CNTN6: variants seen among roughly 807,000 people sequenced by gnomAD.
CNTN6 encodes the protein contactin 6, also known as contactin-6.
Under a neutral mutation model 122.8 loss-of-function variants are expected in CNTN6, and 137 were observed. That is an observed-to-expected ratio of 1.12 (90% CI 0.97 to 1.29). The LOEUF (loss-of-function observed/expected upper bound fraction) is 1.29. Among genes scored for constraint, CNTN6 ranks in the 50% most tolerant of loss-of-function variants. CNTN6 has a pLI of 0.00. For synonymous variants in CNTN6, 570 were observed against 426.0 expected, an observed-to-expected ratio of 1.34 and a Z score of -4.16; for missense variants, 1,634 against 1,223.4, an observed-to-expected ratio of 1.34 and a Z score of -5.01.
chr3:1,158,299 T>C (rs1397423241), intron 2 of CNTN6, among the ~76,000 whole-genome samples: 2 of 152,250 alleles, frequency 1.3e-5, no homozygotes, highest in African/African-American at 4.8e-5. Context: ...TTGAGCACTT[T>C]TTCATATGCC....
At chr3:1,300,989 CA>C (rs1697284739) in intron 7 of CNTN6, among the ~76,000 whole-genome samples, 1 of 142,930 alleles carries the variant, frequency 7.0e-6, no homozygotes, top group Non-Finnish European at 1.5e-5. Context: ...TATTAAATTG[CA>C]AAAGGTAAAA....
At chr3:1,255,111 A>T (rs542511832) in intron 4 of CNTN6, among the ~76,000 whole-genome samples, 5 of 152,272 alleles carry the variant, frequency 3.3e-5, no homozygotes, top group African/African-American at 1.2e-4. Context: ...GTGGGGATCC[A>T]AGAGCAAGGG....
Position 1,327,711 on chromosome 3 carries a change from T to C in CNTN6, c.1213+125T>C, listed in dbSNP as rs1457330512. ...CTGTCCCATCAAATAATGGGAAATGTCTAAATTAACTTTTTACAAAATTCA... is the reference window on the plus strand; with the variant it reads ...CTGTCCCATCAAATAATGGGAAATGCCTAAATTAACTTTTTACAAAATTCA... On this transcript the variant is annotated intron_variant, in intron 10 of 22. Transcript: ENST00000446702. 5.1e-6 allele frequency: 5 copies of C among 979,506 alleles called. No individual in the cohort carries two copies. The Admixed American group carries it at 8.2e-5, about 16-fold the overall frequency. 60.7% of individuals were successfully genotyped at this position (979,506 alleles called of 1,614,324 possible).
At chr3:1,158,273 C>G (rs1194174088) in intron 2 of CNTN6, among the ~76,000 whole-genome samples, 2 of 152,194 alleles carry the variant, frequency 1.3e-5, no homozygotes, top group Non-Finnish European at 2.9e-5. Flanking sequence ...TCACATTTCT[C>G]TGATGATCAG....
intron 20 of CNTN6, among the ~76,000 whole-genome samples, chr3:1,389,208 A>G (rs954164867): frequency 4.6e-5 from 7 of 151,468 alleles, no homozygotes; most frequent in South Asian, 2.1e-4. Flanking sequence ...GACTAACAGC[A>G]GATCTCTCGG....
chr3:1,325,547 T>C (rs1171808056), intron 8 of CNTN6, among the ~76,000 whole-genome samples: 16 of 151,802 alleles, frequency 1.1e-4, no homozygotes, highest in African/African-American at 3.6e-4. Flanking sequence ...TTTGCCCTTT[T>C]CCCACAGCTC....
At chr3:1,160,280 A>T (rs1396796790) in intron 2 of CNTN6, among the ~76,000 whole-genome samples, 1 of 149,806 alleles carries the variant, frequency 6.7e-6, no homozygotes, top group African/African-American at 2.5e-5. Flanking sequence ...GCCCTTTCCA[A>T]TCACAGCTGA....
intron 2 of CNTN6, among the ~76,000 whole-genome samples, chr3:1,151,477 A>G (rs1378944953): frequency 6.6e-6 from 1 of 152,200 alleles, no homozygotes; most frequent in Non-Finnish European, 1.5e-5. Context: ...GCCGTATTTG[A>G]AACTCTGTGA....
intron 12 of CNTN6, among the ~76,000 whole-genome samples, chr3:1,370,235 T>TA (rs79114414): frequency 7.5e-4 from 113 of 151,536 alleles, no homozygotes; most frequent in African/African-American, 2.3e-3. Flanking sequence ...TCTTTTTTTT[T>TA]AATTTTATTA....
chr3:1,295,564 GGTTTTGTTTT>G lies in CNTN6; in HGVS notation c.455-22_455-13del, dbSNP rs747708317. 5.3e-6 allele frequency: 8 copies of G among 1,522,426 alleles called. No individual in the cohort carries two copies. In the African/African-American group the frequency reaches 5.5e-5, roughly 10 times the overall value. 94.3% of individuals were successfully genotyped at this position (1,522,426 alleles called of 1,614,324 possible). On this transcript the variant is annotated intron_variant, in intron 5 of 22. Coordinates refer to ENST00000446702, the MANE Select transcript of CNTN6 (RefSeq NM_001289080.2). The stretch of plus-strand genomic sequence containing the variant: ...TGAATGAATGCAGTAAGGACAGTAT[GGTTTTGTTTT>G]GTTTTGTTTTGTTTCTTGTTTTTCA...
At chr3:1,357,035 CAT>C (rs1706672159) in intron 12 of CNTN6, among the ~76,000 whole-genome samples, 1 of 151,844 alleles carries the variant, frequency 6.6e-6, no homozygotes, top group Non-Finnish European at 1.5e-5. Flanking sequence ...TAAAATGCAG[CAT>C]ATGTCACTCA....
chr3:1,101,231 C>T (rs941562527), intron 1 of CNTN6, among the ~76,000 whole-genome samples: 2 of 152,114 alleles, frequency 1.3e-5, no homozygotes, highest in Non-Finnish European at 2.9e-5. Flanking sequence ...ACCAGATCAC[C>T]AAGTTTCCAT....
intron 2 of CNTN6, among the ~76,000 whole-genome samples, chr3:1,152,241 C>T (rs143572178): frequency 6.6e-6 from 1 of 152,016 alleles, no homozygotes; most frequent in East Asian, 1.9e-4. Flanking sequence ...TGGGTTCATA[C>T]AATTCTCCTG....
intron 2 of CNTN6, among the ~76,000 whole-genome samples, chr3:1,170,236 C>CAAAAAAAAAAAAAAAAAAAAAAAAAAAA (rs10525769): frequency 9.3e-6 from 1 of 107,454 alleles, no homozygotes; most frequent in Non-Finnish European, 1.9e-5. Context: ...GGCTCCATCT[C>CAAAAAAAAAAAAAAAAAAAAAAAAAAAA]AAAAAAAAAA....
intron 1 of CNTN6, among the ~76,000 whole-genome samples, chr3:1,139,244 T>A (rs1369665700): frequency 6.6e-6 from 1 of 152,164 alleles, no homozygotes; most frequent in Admixed American, 6.6e-5. Context: ...CAGAAAAGAT[T>A]TCCCAATCTC....
At chr3:1,237,769 A>G (rs13094244) in intron 4 of CNTN6, among the ~76,000 whole-genome samples, 16,017 of 152,200 alleles carry the variant, frequency 0.11, 908 homozygotes, top group African/African-American at 0.13. Flanking sequence ...CAAAACAACT[A>G]TTAGTCAAGA....
chr3:1,206,365 T>C (rs1437749941), intron 2 of CNTN6, among the ~76,000 whole-genome samples: 2 of 152,248 alleles, frequency 1.3e-5, no homozygotes, highest in Non-Finnish European at 2.9e-5. Context: ...TCCATCTGTC[T>C]CCACTTACTC....
At chr3:1,215,152 G>A (rs548607856) in intron 2 of CNTN6, among the ~76,000 whole-genome samples, 3 of 152,280 alleles carry the variant, frequency 2.0e-5, no homozygotes, top group East Asian at 3.9e-4. Context: ...ATCAGCAAAC[G>A]CTTTGGTGTT....
intron 2 of CNTN6, among the ~76,000 whole-genome samples, chr3:1,164,660 G>T (rs1170389615): frequency 6.6e-6 from 1 of 152,154 alleles, no homozygotes; most frequent in Non-Finnish European, 1.5e-5. Flanking sequence ...ACATATATTA[G>T]GACTCAGAAG....
Sources: gnomAD v4.1 joint callset for allele counts (sites outside exome capture counted in the v4.1 genomes callset) on GRCh38, gnomAD v4.1.1 for gene constraint, MANE v1.5 for transcripts, NCBI Gene and HGNC (gene_info 2026-07-23, HGNC 2026-07-21) for gene names.